The following CSMD3 variants were observed in gnomAD, a reference collection of about 807,000 sequenced individuals.
CSMD3 encodes CUB and sushi domain-containing protein 3.
CSMD3 carries 177 observed loss-of-function variants against 435.2 expected under a neutral mutation model. The ratio of observed to expected loss-of-function variants is 0.41; its 90% CI spans 0.36 to 0.46. The LOEUF (loss-of-function observed/expected upper bound fraction) is 0.46, where lower values mean the gene tolerates loss of function less well. Ranked by LOEUF, CSMD3 falls within the 20% of genes least tolerant of loss-of-function variation. CSMD3 has a pLI of 0.34. For synonymous variants in CSMD3, 1,656 were observed against 1,520.5 expected, an observed-to-expected ratio of 1.09 and a Z score of -2.07; for missense variants, 4,265 against 4,504.6, an observed-to-expected ratio of 0.95 and a Z score of 1.52.
intron 4 of CSMD3, among the ~76,000 whole-genome samples, chr8:113,169,447 C>T (rs1460143648): frequency 6.6e-6 from 1 of 152,132 alleles, no homozygotes; most frequent in African/African-American, 2.4e-5. Flanking sequence ...CCTTATTGAT[C>T]AGTCCTTTCC....
chr8:112,662,453 G>C (rs1047188602), intron 17 of CSMD3, among the ~76,000 whole-genome samples: 2 of 151,960 alleles, frequency 1.3e-5, no homozygotes, highest in African/African-American at 4.8e-5. Flanking sequence ...ATGGTGCTGG[G>C]AAAACTGGCT....
chr8:112,963,172 C>G (rs2084294241), intron 7 of CSMD3, among the ~76,000 whole-genome samples: 1 of 152,022 alleles, frequency 6.6e-6, no homozygotes, highest in Admixed American at 6.6e-5. Flanking sequence ...GGGCATTTGT[C>G]TTTTAATGCA....
intron 13 of CSMD3, among the ~76,000 whole-genome samples, chr8:112,709,577 A>G (rs929090170): frequency 5.3e-5 from 8 of 152,116 alleles, no homozygotes; most frequent in Non-Finnish European, 1.0e-4. Flanking sequence ...TAAAATTGAG[A>G]AAGAAAAGAG....
chr8:113,320,202 C>T (rs2093939779), intron 1 of CSMD3, among the ~76,000 whole-genome samples: 1 of 151,964 alleles, frequency 6.6e-6, no homozygotes, highest in Non-Finnish European at 1.5e-5. Flanking sequence ...ACTGGCATTG[C>T]AACTTTTTCA....
intron 5 of CSMD3, among the ~76,000 whole-genome samples, chr8:113,079,304 A>C (rs1449917210): frequency 6.6e-6 from 1 of 152,242 alleles, no homozygotes; most frequent in Non-Finnish European, 1.5e-5. Context: ...TTGGCAAATT[A>C]AAGATTCTTA....
intron 67 of CSMD3, among the ~76,000 whole-genome samples, chr8:112,234,814 G>T (rs893123728): frequency 2.0e-5 from 3 of 152,094 alleles, no homozygotes; most frequent in African/African-American, 7.2e-5. Flanking sequence ...AAATTTTCAA[G>T]CATACAAATC....
At chr8:113,148,106 T>A (rs866545253) in intron 4 of CSMD3, among the ~76,000 whole-genome samples, 9 of 151,798 alleles carry the variant, frequency 5.9e-5, no homozygotes, top group African/African-American at 1.9e-4. Context: ...TGACTTGCAA[T>A]GCCTGATGCA....
At chr8:112,367,767 T>A (rs4876467) in intron 38 of CSMD3, among the ~76,000 whole-genome samples, 59,891 of 151,950 alleles carry the variant, frequency 0.39, 13,283 homozygotes, top group Middle Eastern at 0.54. Flanking sequence ...TTCAAAACTT[T>A]TGTTACTCTA....
Position 113,004,347 on chromosome 8 carries a change from T to C in CSMD3, c.1030+14720A>G, listed in dbSNP as rs533796353. ...CAAAAAAATGTAGCATGAAAATACA[T>C]TATAAATTATACAGGAAGAATTCTC... On this transcript the variant is annotated intron_variant, in intron 6 of 70. Transcript: ENST00000297405. Among the ~76,000 whole-genome samples, 17 of 152,126 alleles carry C rather than the reference T, an allele frequency of 1.1e-4. No individual in the cohort carries two copies. In the South Asian group the frequency reaches 3.3e-3, roughly 30 times the overall value.
chr8:113,170,029 T>C (rs937769423), intron 4 of CSMD3, among the ~76,000 whole-genome samples: 3 of 152,138 alleles, frequency 2.0e-5, no homozygotes, highest in African/African-American at 7.2e-5. Context: ...CATTTTTTCT[T>C]AATTAAACTA....
At chr8:113,362,930 G>C (rs1329713736) in intron 1 of CSMD3, among the ~76,000 whole-genome samples, 1 of 152,128 alleles carries the variant, frequency 6.6e-6, no homozygotes, top group Non-Finnish European at 1.5e-5. Context: ...GTTTAACTTT[G>C]AACACCAATG....
At chr8:113,428,092 G>A (rs1409029279) in intron 1 of CSMD3, among the ~76,000 whole-genome samples, 1 of 151,640 alleles carries the variant, frequency 6.6e-6, no homozygotes, top group Non-Finnish European at 1.5e-5. Flanking sequence ...AAAGTAGAAA[G>A]TATCTTTTAT....
At chr8:112,968,087 T>G (rs1035478584) in intron 7 of CSMD3, among the ~76,000 whole-genome samples, 7 of 151,646 alleles carry the variant, frequency 4.6e-5, no homozygotes, top group Admixed American at 4.6e-4. Context: ...ATGTGGGCAT[T>G]GGGCCCAGAA....
chr8:112,560,783 ATAC>A (rs1418961782), intron 24 of CSMD3, among the ~76,000 whole-genome samples: 3 of 151,722 alleles, frequency 2.0e-5, no homozygotes, highest in African/African-American at 4.8e-5. Context: ...TGCATACTTA[ATAC>A]TACATTTAAA....
rs1292631584 is a variant in CSMD3, at chr8:112,390,653, A to T, written c.5934+11T>A. On this transcript the variant is annotated intron_variant, in intron 36 of 70. Transcript: ENST00000297405. ...ATACAATGAAAAGAAGAAAAACTTA[A>T]ATATTCTTACTTGAATGCCAGCTCC... 1 of 1,608,588 alleles carries T rather than the reference A, an allele frequency of 6.2e-7. No homozygotes were observed. The highest frequency in any genetic ancestry group is 1.7e-5 in the Admixed American group (1 of 60,006).
intron 3 of CSMD3, among the ~76,000 whole-genome samples, chr8:113,192,090 G>T (rs2092594748): frequency 6.6e-6 from 1 of 151,504 alleles, no homozygotes; most frequent in African/African-American, 2.4e-5. Flanking sequence ...TAATTGGATT[G>T]TTTTTTTGCT....
intron 6 of CSMD3, among the ~76,000 whole-genome samples, chr8:113,000,248 G>A (rs927167900): frequency 6.6e-6 from 1 of 152,000 alleles, no homozygotes; most frequent in African/African-American, 2.4e-5. Context: ...CTGAGAAATT[G>A]TGACTTCCAC....
rs141765660 is a variant in CSMD3 at position 112,341,556 on chromosome 8, G to A, written c.6573C>T (p.Phe2191=). ...ATAAGCTGGTTTCATGGGTGGTGCT[G>A]AATAAGGAAGATGGTATTTGAGGAC... is the stretch of plus-strand genomic sequence containing the variant. ...LSGPQIPSSL[F]STTHETSLYF... The change falls in exon 42 of 71, where the codon TTC becomes TTT. Residue 2191 remains phenylalanine (F), a synonymous_variant. Coordinates refer to ENST00000297405, the MANE Select transcript of CSMD3 (RefSeq NM_198123.2). 2 of 1,613,326 alleles carry A rather than the reference G, an allele frequency of 1.2e-6. No homozygotes were observed. Among genetic ancestry groups the A allele is most frequent in the Non-Finnish European group, 1.7e-6 (2 of 1,179,380 alleles).
intron 24 of CSMD3, among the ~76,000 whole-genome samples, chr8:112,564,736 G>A (rs1393461648): frequency 1.3e-5 from 2 of 152,036 alleles, no homozygotes; most frequent in African/African-American, 4.8e-5. Flanking sequence ...TTGTTGGCAA[G>A]AGAATCTGAA....
Sources: allele counts gnomAD v4.1 joint callset (sites outside exome capture counted in the v4.1 genomes callset), GRCh38; gene constraint gnomAD v4.1.1; transcripts MANE v1.5; gene names NCBI Gene and HGNC (gene_info 2026-07-23, HGNC 2026-07-21).